RANBP9: variants seen among roughly 807,000 people sequenced by gnomAD.
RANBP9 encodes the protein RAN binding protein 9.
Under a neutral mutation model 84.3 loss-of-function variants are expected in RANBP9, and 15 were observed. The observed-to-expected ratio is 0.18, with a 90% CI of 0.12 to 0.27. The LOEUF (loss-of-function observed/expected upper bound fraction) is 0.27, where lower values mean the gene tolerates loss of function less well. Among genes scored for constraint, RANBP9 ranks in the 10% least tolerant of loss-of-function variants. The probability of loss-of-function intolerance (pLI) is 1.00; values close to 1 mark genes in which losing one functional copy is unlikely to be tolerated. For synonymous variants in RANBP9, 392 were observed against 349.6 expected (o/e 1.12, Z -1.35); for missense variants, 809 against 912.8 (o/e 0.89, Z 1.46).
Position 13,711,703 on chromosome 6 carries a change from G to A in RANBP9, c.-198C>T, listed in dbSNP as rs1026487117. The A allele has an allele frequency of 2.1e-4, 71 of 330,892 alleles. 1 individual carries two copies. Among genetic ancestry groups the A allele is most frequent in the Middle Eastern group, 9.1e-4 (1 of 1,096 alleles). 20.5% of individuals were successfully genotyped at this position (330,892 alleles called of 1,614,324 possible). On this transcript the variant is annotated 5_prime_UTR_variant, in exon 1 of 14. Transcript: ENST00000011619. ...GCGGGAGTAGGCGGCGGGCCCGGGA[G>A]GCCGGGAGAGAACGTTGGCCGGAGC...
intron 5 of RANBP9, among the ~76,000 whole-genome samples, chr6:13,651,756 A>T (rs1765302760): frequency 6.6e-6 from 1 of 152,070 alleles, no homozygotes; most frequent in African/African-American, 2.4e-5. Flanking sequence ...AAGTCCTATC[A>T]TGACAAATAA....
chr6:13,669,568 T>G (rs1741198621), intron 2 of RANBP9, among the ~76,000 whole-genome samples: 1 of 152,192 alleles, frequency 6.6e-6, no homozygotes, highest in East Asian at 1.9e-4. Flanking sequence ...CAGAAACTCT[T>G]GTATTCACGA....
In RANBP9 at chr6:13,654,541, G is replaced by A. The variant is rs564536211; in HGVS notation, c.905-1860C>T. 4.6e-5 allele frequency among the ~76,000 whole-genome samples: 7 copies of A among 152,216 alleles called. No individual in the cohort carries two copies. In the South Asian group the frequency reaches 1.5e-3, roughly 32 times the overall value. ...AGATTATCCACTTAGGAAGTATAAG[G>A]GAATAGTAACTAAATATTTAACAGT... On this transcript the variant is annotated intron_variant, in intron 4 of 13. Transcript: ENST00000011619.
At chr6:13,626,846 T>C (rs942605845) in intron 12 of RANBP9, among the ~76,000 whole-genome samples, 5 of 152,226 alleles carry the variant, frequency 3.3e-5, no homozygotes, top group African/African-American at 1.2e-4. Flanking sequence ...ACTAGTGTTA[T>C]GAAAGCAGAG....
At chr6:13,675,214 A>G (rs891447849) in intron 2 of RANBP9, among the ~76,000 whole-genome samples, 3 of 152,222 alleles carry the variant, frequency 2.0e-5, no homozygotes, top group Admixed American at 2.0e-4. Flanking sequence ...CGCATAATAC[A>G]TATTCTTCTT....
At chr6:13,708,916 G>A (rs548364218) in intron 1 of RANBP9, among the ~76,000 whole-genome samples, 1 of 152,242 alleles carries the variant, frequency 6.6e-6, no homozygotes, top group Non-Finnish European at 1.5e-5. Flanking sequence ...AGGGGTAAGA[G>A]AGAGACAAAG....
At chr6:13,657,723 C>A (rs1765434292) in intron 3 of RANBP9, among the ~76,000 whole-genome samples, 2 of 152,156 alleles carry the variant, frequency 1.3e-5, no homozygotes, top group African/African-American at 4.8e-5. Flanking sequence ...AGGGTGTGGT[C>A]TTACCACACT....
In RANBP9 at chr6:13,651,097, A is replaced by G. The variant is rs1255263277; in HGVS notation, c.927+1562T>C. On this transcript the variant is annotated intron_variant, in intron 5 of 13. Coordinates refer to ENST00000011619, the MANE Select transcript of RANBP9 (RefSeq NM_005493.3). ...GTGCAACACCTAAAAAGAGACACAT[A>G]TTAAAATCTAAGTTTAAATAACCCT... 2.6e-5 allele frequency among the ~76,000 whole-genome samples: 4 copies of G among 152,184 alleles called. No individual in the cohort carries two copies. The East Asian group carries it at 7.7e-4, about 29-fold the overall frequency.
At chr6:13,627,735 T>A (rs1764656347) in intron 12 of RANBP9, among the ~76,000 whole-genome samples, 1 of 151,480 alleles carries the variant, frequency 6.6e-6, no homozygotes, top group African/African-American at 2.4e-5. Context: ...ATACCCATAG[T>A]ACAGATAAAT....
chr6:13,669,497 A>T (rs1161095025), intron 2 of RANBP9, among the ~76,000 whole-genome samples: 1 of 152,208 alleles, frequency 6.6e-6, no homozygotes, highest in Non-Finnish European at 1.5e-5. Flanking sequence ...TACAGTAACC[A>T]AGAGAATGTG....
intron 2 of RANBP9, among the ~76,000 whole-genome samples, chr6:13,659,370 G>C (rs1213872020): frequency 6.6e-6 from 1 of 151,704 alleles, no homozygotes; most frequent in Non-Finnish European, 1.5e-5. Context: ...CCCAAGGTAT[G>C]TATTTTCTAT....
intron 2 of RANBP9, among the ~76,000 whole-genome samples, chr6:13,678,217 A>G (rs1765941687): frequency 6.6e-6 from 1 of 152,234 alleles, no homozygotes; most frequent in Non-Finnish European, 1.5e-5. Context: ...GGCAATCACT[A>G]TCTAAAAGAA....
intron 2 of RANBP9, among the ~76,000 whole-genome samples, chr6:13,667,896 T>C (rs377349081): frequency 6.6e-6 from 1 of 152,204 alleles, no homozygotes; most frequent in African/African-American, 2.4e-5. Flanking sequence ...TGTCAAAAAT[T>C]AAAATTAAAT....
chr6:13,670,363 C>T (rs547170004), intron 2 of RANBP9, among the ~76,000 whole-genome samples: 1 of 152,070 alleles, frequency 6.6e-6, no homozygotes, highest in African/African-American at 2.4e-5. Flanking sequence ...AAAATTAACA[C>T]AAAATGGATT....
In RANBP9 at chr6:13,632,468, T is replaced by G. The variant is rs763241535; in HGVS notation, c.1849A>C (p.Ile617Leu). The G allele has an allele frequency of 1.2e-6, 2 of 1,614,020 alleles. No homozygotes were observed. Among genetic ancestry groups the G allele is most frequent in the Admixed American group, 1.7e-5 (1 of 60,024 alleles). ...RQLCGGSQAA[I>L]ERMIHFGREL... Reference sequence around the variant, plus strand: ...CGTCCAAAGTGGATCATTCTTTCTATGGCGGCCTGACTTCCTCCACACAAC... The same window carrying G: ...CGTCCAAAGTGGATCATTCTTTCTAGGGCGGCCTGACTTCCTCCACACAAC... The change falls in exon 12 of 14, where the codon ATA becomes CTA. Residue 617 changes from isoleucine (I) to leucine (L), a missense_variant. By Grantham distance (5) the Ile-to-Leu change is conservative. Coordinates refer to ENST00000011619, the MANE Select transcript of RANBP9 (RefSeq NM_005493.3).
At chr6:13,649,536 T>G (rs1765248295) in intron 5 of RANBP9, among the ~76,000 whole-genome samples, 1 of 150,606 alleles carries the variant, frequency 6.6e-6, no homozygotes, top group South Asian at 2.1e-4. Context: ...CTCACCAGTC[T>G]CTTAACTGTT....
chr6:13,708,959 A>C (rs1029449479), intron 1 of RANBP9, among the ~76,000 whole-genome samples: 2 of 152,196 alleles, frequency 1.3e-5, no homozygotes, highest in African/African-American at 4.8e-5. Flanking sequence ...TAAAAGGATA[A>C]CAACAAAATC....
chr6:13,654,223 A>G (rs1041564514), intron 4 of RANBP9, among the ~76,000 whole-genome samples: 1 of 152,172 alleles, frequency 6.6e-6, no homozygotes, highest in African/African-American at 2.4e-5. Flanking sequence ...TCAGACCACG[A>G]AAAGATGCCA....
chr6:13,658,685 T>C (rs866133250), intron 3 of RANBP9, 95 bp downstream of exon 3: 9 of 1,013,566 alleles, frequency 8.9e-6, no homozygotes, highest in Middle Eastern at 4.3e-4. Flanking sequence ...ACACAGAAAA[T>C]CAGTATCTTT....
Sources: gnomAD v4.1 joint callset for allele counts (sites outside exome capture counted in the v4.1 genomes callset) on GRCh38, gnomAD v4.1.1 for gene constraint, MANE v1.5 for transcripts, NCBI Gene and HGNC (gene_info 2026-07-23, HGNC 2026-07-21) for gene names.